Variants in RASA1 observed in about 807,000 individuals in gnomAD.
RASA1 encodes ras GTPase-activating protein 1.
A neutral mutation model predicts 132.2 loss-of-function variants in RASA1; 25 were observed. That is an observed-to-expected ratio of 0.19 (90% CI 0.14 to 0.26). The LOEUF is 0.26. RASA1 is among the 10% of genes least tolerant of loss of function. RASA1 has a pLI of 1.00. For missense variants in RASA1, 964 were observed against 1,299.2 expected (o/e 0.74, Z 3.97); for synonymous variants, 477 against 449.9 (o/e 1.06, Z -0.76).
At chr5:87,346,527 A>C (rs1758872197) in intron 6 of RASA1, 145 bp from the exon 7 acceptor site, 6 of 499,858 alleles carry the variant, frequency 1.2e-5, no homozygotes, top group Non-Finnish European at 1.5e-5. Context: ...AAATGTATTA[A>C]AATGTAATAA....
At chr5:87,351,562 ACT>A (rs1207006079) in intron 8 of RASA1, among the ~76,000 whole-genome samples, 1 of 151,576 alleles carries the variant, frequency 6.6e-6, no homozygotes, top group Admixed American at 6.6e-5. Flanking sequence ...GTCTCTAGAA[ACT>A]CACGTTTATT....
intron 21 of RASA1, among the ~76,000 whole-genome samples, chr5:87,384,235 T>C (rs1037807625): frequency 9.9e-5 from 15 of 152,098 alleles, no homozygotes; most frequent in African/African-American, 3.6e-4. Context: ...CCGTTAGAGA[T>C]TTTTAAAGTC....
In RASA1 at chr5:87,389,438, C is replaced by A. The variant is rs144692925; in HGVS notation, c.2971C>A (p.Leu991Met). ...PDTTEHSRTDLSRDLAALHEI... is the reference protein window; with the variant it reads ...PDTTEHSRTDMSRDLAALHEI... Reference sequence around the variant, plus strand: ...CACTACAGAGCATTCTAGAACGGACCTGTCCCGTGATTTAGCAGCATTGCA... The same window carrying A: ...CACTACAGAGCATTCTAGAACGGACATGTCCCGTGATTTAGCAGCATTGCA... The change falls in exon 24 of 25, where the codon CTG becomes ATG. Residue 991 changes from leucine to methionine, a missense_variant. Transcript: ENST00000274376. The A allele has an allele frequency of 6.2e-7, 1 of 1,614,166 alleles. No homozygotes were observed. The highest frequency in any genetic ancestry group is 8.5e-7 in the Non-Finnish European group (1 of 1,179,980).
At chr5:87,387,206 A>T (rs922981013) in intron 23 of RASA1, among the ~76,000 whole-genome samples, 3 of 152,098 alleles carry the variant, frequency 2.0e-5, no homozygotes, top group African/African-American at 7.2e-5. Flanking sequence ...TCTGACTGCC[A>T]TGACATTCTG....
At chr5:87,336,488 A>C (rs963614198) in intron 4 of RASA1, among the ~76,000 whole-genome samples, 1 of 152,122 alleles carries the variant, frequency 6.6e-6, no homozygotes, top group Non-Finnish European at 1.5e-5. Flanking sequence ...TAAAATAAAA[A>C]TACCTTAAAA....
At chr5:87,377,304 T>C in intron 17 of RASA1, 1 of 473,624 alleles carries the variant, frequency 2.1e-6, no homozygotes, top group Non-Finnish European at 3.9e-6. Flanking sequence ...ATCAATGGCT[T>C]GACTGTTTGG....
At position 87,338,536 on chromosome 5, in the gene RASA1, A is replaced by ATATATTTTTTT; in HGVS notation, c.1017+446_1017+447insATATTTTTTTT. Among the ~76,000 whole-genome samples, 50 of 85,210 alleles carry ATATATTTTTTT rather than the reference A, an allele frequency of 5.9e-4. 3 individuals carry two copies. The highest frequency in any genetic ancestry group is 2.1e-3 in the African/African-American group (48 of 22,614). 55.9% of individuals were successfully genotyped at this position (85,210 alleles called of 152,430 possible). A position where few individuals can be genotyped will look rare whatever the true frequency, so the allele number is the denominator to read the frequency against. ...ATATATATATATATATATATATAAA[A>ATATATTTTTTT]TTTTTTTTTTTTTTAAGTAGAAATG... On this transcript the variant is annotated intron_variant, in intron 5 of 24. Coordinates refer to ENST00000274376, the MANE Select transcript of RASA1 (RefSeq NM_002890.3).
At position 87,389,473 on chromosome 5, in the gene RASA1, C is replaced by T. The variant is rs748539441; in HGVS notation, c.3006C>T (p.Cys1002=). The T allele has an allele frequency of 1.9e-6, 3 of 1,614,148 alleles. No homozygotes were observed. Among genetic ancestry groups the T allele is most frequent in the South Asian group, 1.1e-5 (1 of 91,084 alleles). ...SRDLAALHEI[C]VAHSDELRTL... Reference sequence around the variant, plus strand: ...ATTTAGCAGCATTGCATGAGATTTGCGTGGCTCATTCAGATGAACTTCGAA... The same window carrying T: ...ATTTAGCAGCATTGCATGAGATTTGTGTGGCTCATTCAGATGAACTTCGAA... Residue 1002 remains cysteine, a synonymous_variant, in exon 24 of 25, where the codon TGC becomes TGT. Coordinates refer to ENST00000274376, the MANE Select transcript of RASA1 (RefSeq NM_002890.3).
chr5:87,289,700 TCCCAGG>T (rs1314208557), intron 1 of RASA1, among the ~76,000 whole-genome samples: 4 of 152,100 alleles, frequency 2.6e-5, no homozygotes, highest in African/African-American at 9.7e-5. Flanking sequence ...AGCCTCAACC[TCCCAGG>T]TTCAAGCGAT....
rs1753656437 is a variant in RASA1, at chr5:87,268,354, G to C, written c.-98G>C. ...TGTTTCCTCAGCCTGGGGAGCTGAA[G>C]GGGAGACGCGTCTGGGTGGGGCTGC... On this transcript the variant is annotated 5_prime_UTR_variant, in exon 1 of 25. Coordinates refer to ENST00000274376, the MANE Select transcript of RASA1 (RefSeq NM_002890.3). The C allele has an allele frequency of 1.4e-6, 2 of 1,390,398 alleles. No individual in the cohort carries two copies. Among genetic ancestry groups the C allele is most frequent in the Non-Finnish European group, 1.9e-6 (2 of 1,049,762 alleles). The allele number at this position is 1,390,398 out of a possible 1,614,324, so 86.1% of individuals were successfully genotyped here. A position where few individuals can be genotyped will look rare whatever the true frequency, so the allele number is the denominator to read the frequency against.
In RASA1 at chr5:87,325,164, A is replaced by G. The variant is rs150135375; in HGVS notation, c.540-6184A>G. ...ATGGTGTCATCAAGGAGAAGTACTG[A>G]GCAAAAGGGGGAAAAGCCCCTTATA... is the stretch of plus-strand genomic sequence containing the variant. On this transcript the variant is annotated intron_variant, in intron 1 of 24. Coordinates refer to ENST00000274376, the MANE Select transcript of RASA1 (RefSeq NM_002890.3). 2.6e-3 allele frequency among the ~76,000 whole-genome samples: 401 copies of G among 152,214 alleles called. 4 individuals carry two copies. Among genetic ancestry groups the G allele is most frequent in the East Asian group, 8.5e-3 (44 of 5,158 alleles).
At position 87,268,983 on chromosome 5, in the gene RASA1, A is replaced by G. The variant is rs150804394; in HGVS notation, c.532A>G (p.Thr178Ala). ...EVAIPLTAPP[T>A]NQWYHGKLDR... is the part of the protein sequence containing the mutation. ...GGCCATACCGTTGACCGCTCCTCCA[A>G]CTAACCAGTAAGTTAAGACTGCTGT... Residue 178 changes from threonine (T) to alanine (A), a missense_variant, in exon 1 of 25, where the codon ACT becomes GCT. Coordinates refer to ENST00000274376, the MANE Select transcript of RASA1 (RefSeq NM_002890.3). 10 of 1,614,102 alleles carry G rather than the reference A, an allele frequency of 6.2e-6. No homozygotes were observed. Among genetic ancestry groups the G allele is most frequent in the Admixed American group, 1.7e-5 (1 of 60,010 alleles).
intron 8 of RASA1, among the ~76,000 whole-genome samples, chr5:87,351,659 C>G (rs1318184959): frequency 6.6e-6 from 1 of 151,642 alleles, no homozygotes; most frequent in African/African-American, 2.4e-5. Context: ...ATATGAATGT[C>G]TAGAAAATTC....
In RASA1 at chr5:87,338,536, A is replaced by ATATATTTT; in HGVS notation, c.1017+446_1017+447insATATTTTT. Reference sequence around the variant, plus strand: ...ATATATATATATATATATATATAAAATTTTTTTTTTTTTTAAGTAGAAATG... The same window carrying ATATATTTT: ...ATATATATATATATATATATATAAAATATATTTTTTTTTTTTTTTTTTAAGTAGAAATG... On this transcript the variant is annotated intron_variant, in intron 5 of 24. Transcript: ENST00000274376. Among the ~76,000 whole-genome samples, 139 of 85,196 alleles carry ATATATTTT rather than the reference A, an allele frequency of 1.6e-3. 6 individuals are homozygous for ATATATTTT. Among genetic ancestry groups the ATATATTTT allele is most frequent in the East Asian group, 3.9e-3 (8 of 2,028 alleles). The allele number at this position is 85,196 out of a possible 152,430, so 55.9% of individuals were successfully genotyped here.
intron 21 of RASA1, among the ~76,000 whole-genome samples, chr5:87,384,737 ATC>A (rs1761949872): frequency 6.6e-6 from 1 of 152,134 alleles, no homozygotes; most frequent in Admixed American, 6.6e-5. Context: ...ACATCCTACT[ATC>A]TGTGTTCCAC....
chr5:87,318,062 A>ACTAC (rs1279454517), intron 1 of RASA1, among the ~76,000 whole-genome samples: 3 of 152,108 alleles, frequency 2.0e-5, no homozygotes, highest in East Asian at 3.9e-4. Context: ...GAGTAATGGT[A>ACTAC]CTACCATTAG....
At chr5:87,384,416 A>AG (rs912793126) in intron 21 of RASA1, among the ~76,000 whole-genome samples, 2 of 152,178 alleles carry the variant, frequency 1.3e-5, no homozygotes, top group Non-Finnish European at 2.9e-5. Context: ...TATAAACAGT[A>AG]GGAACTGGAA....
At chr5:87,340,469 T>A (rs1758354333) in intron 5 of RASA1, among the ~76,000 whole-genome samples, 1 of 152,012 alleles carries the variant, frequency 6.6e-6, no homozygotes, top group Admixed American at 6.6e-5. Flanking sequence ...TCAGTGAGTG[T>A]TTGATTTTAG....
intron 1 of RASA1, among the ~76,000 whole-genome samples, chr5:87,326,940 A>G (rs1757273384): frequency 6.6e-6 from 1 of 152,202 alleles, no homozygotes; most frequent in Non-Finnish European, 1.5e-5. Flanking sequence ...GAAAATAGGT[A>G]ATTGAGACTA....
Sources: allele counts gnomAD v4.1 joint callset (sites outside exome capture counted in the v4.1 genomes callset), GRCh38; gene constraint gnomAD v4.1.1; transcripts MANE v1.5; gene names NCBI Gene and HGNC (gene_info 2026-07-23, HGNC 2026-07-21).